The following ATRNL1 variants were observed in gnomAD, a reference collection of about 807,000 sequenced individuals.
ATRNL1 encodes attractin-like protein 1.
Under a neutral mutation model 182.7 loss-of-function variants are expected in ATRNL1, and 95 were observed. The observed-to-expected ratio is 0.52, with a 90% CI of 0.44 to 0.62. The LOEUF is 0.62. Among genes scored for constraint, ATRNL1 ranks in the 20% least tolerant of loss-of-function variants. The pLI is 0.00. For synonymous variants in ATRNL1, 576 were observed against 568.3 expected, an observed-to-expected ratio of 1.01 and a Z score of -0.19; for missense variants, 1,471 against 1,679.5, an observed-to-expected ratio of 0.88 and a Z score of 2.17.
intron 28 of ATRNL1, among the ~76,000 whole-genome samples, chr10:115,941,867 A>G (rs571863872): frequency 3.2e-4 from 49 of 152,352 alleles, no homozygotes; most frequent in African/African-American, 1.2e-3. Context: ...CTGCAGAATA[A>G]GTGTTTAAAA....
At chr10:115,849,663 T>C (rs1440102053) in intron 28 of ATRNL1, among the ~76,000 whole-genome samples, 1 of 152,204 alleles carries the variant, frequency 6.6e-6, no homozygotes, top group Non-Finnish European at 1.5e-5. Flanking sequence ...CATGTGATCC[T>C]CATGACAGGG....
chr10:115,592,551 T>G (rs1276336452), intron 26 of ATRNL1, among the ~76,000 whole-genome samples: 1 of 152,184 alleles, frequency 6.6e-6, no homozygotes, highest in Non-Finnish European at 1.5e-5. Flanking sequence ...CGCTAAGTCC[T>G]AGGTAGCCAC....
intron 21 of ATRNL1, among the ~76,000 whole-genome samples, chr10:115,437,843 C>T (rs1273059235): frequency 6.6e-6 from 1 of 151,976 alleles, no homozygotes; most frequent in Non-Finnish European, 1.5e-5. Context: ...ACAGTCTTCT[C>T]TAAGGCAAAT....
chr10:115,552,496 C>A (rs782608646), intron 26 of ATRNL1, among the ~76,000 whole-genome samples: 1 of 151,260 alleles, frequency 6.6e-6, no homozygotes, highest in Non-Finnish European at 1.5e-5. Flanking sequence ...TTTATTTCAG[C>A]AGTTATACTA....
chr10:115,683,046 T>G, intron 26 of ATRNL1, among the ~76,000 whole-genome samples: 1 of 152,078 alleles, frequency 6.6e-6, no homozygotes, highest in Non-Finnish European at 1.5e-5. Context: ...ATAAGGCTAT[T>G]ATTAAGTACA....
At chr10:115,109,476 A>G (rs553651372) in intron 1 of ATRNL1, among the ~76,000 whole-genome samples, 3 of 152,282 alleles carry the variant, frequency 2.0e-5, no homozygotes, top group East Asian at 3.9e-4. Context: ...AGGGGGTGAA[A>G]TCATCCTTTT....
At chr10:115,688,167 T>C (rs913167134) in intron 26 of ATRNL1, among the ~76,000 whole-genome samples, 5 of 152,178 alleles carry the variant, frequency 3.3e-5, no homozygotes, top group African/African-American at 1.2e-4. Context: ...TATAGCTGAG[T>C]AGCATTCCAT....
At chr10:115,730,276 A>G (rs1947754598) in intron 27 of ATRNL1, among the ~76,000 whole-genome samples, 2 of 149,052 alleles carry the variant, frequency 1.3e-5, no homozygotes, top group South Asian at 2.1e-4. Flanking sequence ...AAAAAAAAAA[A>G]AAAAAAGAGA....
At chr10:115,412,288 A>G (rs1845178881) in intron 20 of ATRNL1, among the ~76,000 whole-genome samples, 1 of 152,072 alleles carries the variant, frequency 6.6e-6, no homozygotes, top group Admixed American at 6.6e-5. Context: ...TTTGCCAAAA[A>G]CCTGAGGGAA....
At chr10:115,731,411 A>G (rs1947793690) in intron 27 of ATRNL1, among the ~76,000 whole-genome samples, 1 of 152,156 alleles carries the variant, frequency 6.6e-6, no homozygotes, top group Non-Finnish European at 1.5e-5. Context: ...AACATAAAGC[A>G]TTATATTAAT....
At chr10:115,777,502 G>A (rs1949156895) in intron 27 of ATRNL1, among the ~76,000 whole-genome samples, 1 of 152,100 alleles carries the variant, frequency 6.6e-6, no homozygotes, top group Non-Finnish European at 1.5e-5. Flanking sequence ...TTGAAATTCA[G>A]TAATAATCCT....
chr10:115,097,088 A>G (rs1381705155), intron 1 of ATRNL1, among the ~76,000 whole-genome samples: 2 of 152,178 alleles, frequency 1.3e-5, no homozygotes, highest in African/African-American at 2.4e-5. Context: ...ATAAATTTAT[A>G]TAAATATAAA....
intron 21 of ATRNL1, among the ~76,000 whole-genome samples, chr10:115,442,719 C>CAT (rs148275270): frequency 0.016 from 2,434 of 152,124 alleles, 64 homozygotes; most frequent in African/African-American, 0.055. Context: ...ATCTTCATAG[C>CAT]ATATATCACT....
intron 26 of ATRNL1, among the ~76,000 whole-genome samples, chr10:115,694,129 A>G (rs1399501195): frequency 1.3e-5 from 2 of 151,284 alleles, no homozygotes; most frequent in Non-Finnish European, 3.0e-5. Flanking sequence ...TCCTAAATAT[A>G]ACTTTCCTAT....
chr10:115,185,845 G>A (rs1457784644), intron 8 of ATRNL1, among the ~76,000 whole-genome samples: 2 of 151,960 alleles, frequency 1.3e-5, no homozygotes, highest in Non-Finnish European at 2.9e-5. Flanking sequence ...AAGGGGAATT[G>A]GACACTGTGT....
chr10:115,363,479 T>C (rs1856856954), intron 19 of ATRNL1, among the ~76,000 whole-genome samples: 1 of 146,794 alleles, frequency 6.8e-6, no homozygotes, highest in Non-Finnish European at 1.5e-5. Flanking sequence ...GCCTGTTCAC[T>C]CTGATGGTAG....
At chr10:115,742,961 A>G (rs936042598) in intron 27 of ATRNL1, among the ~76,000 whole-genome samples, 5 of 152,290 alleles carry the variant, frequency 3.3e-5, no homozygotes, top group African/African-American at 1.2e-4. Flanking sequence ...GAAAGTTACA[A>G]TGAAGGAGGA....
At chr10:115,403,117 T>C (rs781877486) in intron 20 of ATRNL1, among the ~76,000 whole-genome samples, 51 of 152,158 alleles carry the variant, frequency 3.4e-4, no homozygotes, top group South Asian at 1.0e-3. Context: ...GCCTTAATGA[T>C]GATGCCAATG....
chr10:115,369,723 CCTCT>C (rs1165051052), intron 19 of ATRNL1, among the ~76,000 whole-genome samples: 1 of 152,052 alleles, frequency 6.6e-6, no homozygotes, highest in Non-Finnish European at 1.5e-5. Flanking sequence ...TTTTCCACAT[CCTCT>C]CTAACTCTTG....
Sources: allele counts gnomAD v4.1 joint callset (sites outside exome capture counted in the v4.1 genomes callset), GRCh38; gene constraint gnomAD v4.1.1; transcripts MANE v1.5; gene names NCBI Gene and HGNC (gene_info 2026-07-23, HGNC 2026-07-21).